The following ALG9 variants were observed in gnomAD, a reference collection of about 807,000 sequenced individuals.
The protein encoded by ALG9 is ALG9 alpha-1,2-mannosyltransferase, also known as alpha-1,2-mannosyltransferase ALG9.
In ALG9, 55 loss-of-function variants were observed where a neutral mutation model predicts 81.8. That is an observed-to-expected ratio of 0.67 (90% CI 0.54 to 0.84). The LOEUF (loss-of-function observed/expected upper bound fraction) is 0.84. Ranked by LOEUF, ALG9 falls within the 40% of genes least tolerant of loss-of-function variation. The pLI is 0.00. For missense variants in ALG9, 629 were observed against 745.0 expected (o/e 0.84, Z 1.81); for synonymous variants, 278 against 274.3 (o/e 1.01, Z -0.13).
chr11:111,829,444 GAGA>G (rs1953949105), intron 13 of ALG9, among the ~76,000 whole-genome samples: 1 of 152,134 alleles, frequency 6.6e-6, no homozygotes, highest in African/African-American at 2.4e-5. Context: ...AGAAGCTTTA[GAGA>G]AGAACAAATA....
intron 14 of ALG9, among the ~76,000 whole-genome samples, chr11:111,800,167 T>C (rs936196204): frequency 2.0e-5 from 3 of 152,198 alleles, no homozygotes; most frequent in Admixed American, 1.3e-4. Flanking sequence ...GTCTAATCAC[T>C]TCCTTTATGT....
chr11:111,849,946 A>G (rs1041136119), intron 8 of ALG9, among the ~76,000 whole-genome samples: 1 of 152,214 alleles, frequency 6.6e-6, no homozygotes, highest in Admixed American at 6.5e-5. Context: ...AGCCAAAACA[A>G]TGCCAAATAG....
At chr11:111,787,856 A>T (rs1234533201) in intron 14 of ALG9, among the ~76,000 whole-genome samples, 1 of 152,242 alleles carries the variant, frequency 6.6e-6, no homozygotes, top group Non-Finnish European at 1.5e-5. Flanking sequence ...ATTTTATAAA[A>T]GGGAAATTAA....
At chr11:111,807,365 C>G (rs1407905934) in intron 14 of ALG9, among the ~76,000 whole-genome samples, 1 of 152,144 alleles carries the variant, frequency 6.6e-6, no homozygotes, top group Non-Finnish European at 1.5e-5. Flanking sequence ...CTTTCACTAG[C>G]TGTTCCCTCA....
chr11:111,810,586 T>C (rs1950560603), intron 13 of ALG9, among the ~76,000 whole-genome samples: 1 of 152,018 alleles, frequency 6.6e-6, no homozygotes, highest in Admixed American at 6.6e-5. Flanking sequence ...CGAAACCCCA[T>C]CTCTTTAAAA....
At chr11:111,842,865 ATACTG>A (rs1956433943) in intron 9 of ALG9, among the ~76,000 whole-genome samples, 1 of 152,226 alleles carries the variant, frequency 6.6e-6, no homozygotes, top group Non-Finnish European at 1.5e-5. Context: ...AAATTTTATC[ATACTG>A]TAGAGAACAG....
At chr11:111,831,007 C>CA (rs1259916333) in intron 13 of ALG9, among the ~76,000 whole-genome samples, 3 of 151,938 alleles carry the variant, frequency 2.0e-5, no homozygotes, top group African/African-American at 7.2e-5. Flanking sequence ...CCTCTCTCCA[C>CA]AAAAAATTTA....
At chr11:111,811,542 CA>C (rs11305937) in intron 13 of ALG9, among the ~76,000 whole-genome samples, 35,689 of 88,904 alleles carry the variant, frequency 0.4, 4,362 homozygotes, top group African/African-American at 0.47. Context: ...GACTCTGTCT[CA>C]AAAAAAAAAA....
rs1955500304 is a variant in ALG9, at chr11:111,837,468, T to A, written c.1472A>T (p.Asn491Ile). The A allele has an allele frequency of 6.2e-7, 1 of 1,613,962 alleles. No homozygotes were observed. The highest frequency in any genetic ancestry group is 8.5e-7 in the Non-Finnish European group (1 of 1,180,028). Reference sequence around the variant, plus strand: ...CCCTAGGAATTAAAGGACAACTTACTTGTCAGGAAGAAGGAAGCTGCTGGG... The same window carrying A: ...CCCTAGGAATTAAAGGACAACTTACATGTCAGGAAGAAGGAAGCTGCTGGG... ...RFPSSFLLPDNWQLQFIPSEF... is the reference protein window; with the variant it reads ...RFPSSFLLPDIWQLQFIPSEF... Residue 491 changes from asparagine to isoleucine, a missense_variant and splice_region_variant, in exon 12 of 15, where the codon AAT (asparagine) becomes ATT (isoleucine). Around this residue, in one of 3 missense-constraint regions of ALG9, gnomAD observed 264 missense variants for 302.2 expected, o/e 0.87. Transcript: ENST00000616540.
chr11:111,810,954 G>A (rs1555090815), intron 13 of ALG9, among the ~76,000 whole-genome samples: 1 of 152,182 alleles, frequency 6.6e-6, no homozygotes, highest in South Asian at 2.1e-4. Flanking sequence ...CACTGTATTA[G>A]AGGATCTAGT....
intron 3 of ALG9, 150 bp downstream of exon 3, chr11:111,868,452 A>G (rs1963200840): frequency 2.0e-6 from 2 of 999,546 alleles, no homozygotes; most frequent in Admixed American, 5.6e-5. Flanking sequence ...TTGTTTCATT[A>G]ATGCTTGTTG....
chr11:111,777,731 C>T (rs1265270614), downstream of ALG9, among the ~76,000 whole-genome samples: 1 of 152,094 alleles, frequency 6.6e-6, no homozygotes, highest in Non-Finnish European at 1.5e-5. Flanking sequence ...GAAAAAACAG[C>T]CTTCTTTTCT....
chr11:111,781,694 C>T (rs1945947774), downstream of ALG9, among the ~76,000 whole-genome samples: 1 of 152,032 alleles, frequency 6.6e-6, no homozygotes, highest in South Asian at 2.1e-4. Context: ...GTTGCCCAGG[C>T]TGGAGTGGAA....
At chr11:111,820,283 A>G (rs1952123587) in intron 13 of ALG9, among the ~76,000 whole-genome samples, 1 of 152,122 alleles carries the variant, frequency 6.6e-6, no homozygotes, top group Non-Finnish European at 1.5e-5. Context: ...ATAATTTATA[A>G]AGAAAAGAAA....
chr11:111,866,253 T>C (rs1009467512), intron 3 of ALG9, among the ~76,000 whole-genome samples: 3 of 152,136 alleles, frequency 2.0e-5, no homozygotes, highest in African/African-American at 7.2e-5. Context: ...GCCGAGATCG[T>C]GCCACTGCAC....
intron 13 of ALG9, chr11:111,817,262 T>C (rs1270841920): frequency 6.6e-6 from 1 of 152,298 alleles, no homozygotes; most frequent in Admixed American, 6.5e-5. Context: ...ATACTAGCTA[T>C]GCTGCGGAGG....
intron 6 of ALG9, 21 bp downstream of exon 6, chr11:111,857,581 G>A (rs782150137): frequency 2.5e-6 from 4 of 1,613,958 alleles, no homozygotes; most frequent in Non-Finnish European, 3.4e-6. Context: ...ATATATGGGA[G>A]GAGAACTGTT....
intron 8 of ALG9, among the ~76,000 whole-genome samples, chr11:111,846,324 G>A (rs1956942199): frequency 6.6e-6 from 1 of 152,106 alleles, no homozygotes; most frequent in African/African-American, 2.4e-5. Context: ...CAGAAAAGGG[G>A]TTATCCTTTC....
At chr11:111,833,944 C>A (rs531934706) in intron 13 of ALG9, among the ~76,000 whole-genome samples, 24 of 152,358 alleles carry the variant, frequency 1.6e-4, no homozygotes, top group African/African-American at 5.8e-4. Context: ...AGCCAGCTTT[C>A]TCTCAACATC....
Sources: allele counts gnomAD v4.1 joint callset (sites outside exome capture counted in the v4.1 genomes callset), GRCh38; gene constraint gnomAD v4.1.1; regional missense constraint gnomAD v4.1.1; transcripts MANE v1.5; gene names NCBI Gene and HGNC (gene_info 2026-07-23, HGNC 2026-07-21).